GPC6: variants seen among roughly 807,000 people sequenced by gnomAD.
GPC6 encodes glypican-6.
A neutral mutation model predicts 55.2 loss-of-function variants in GPC6; 14 were observed. The observed-to-expected ratio is 0.25, with a 90% CI of 0.17 to 0.40. GPC6 has a LOEUF of 0.40. GPC6 is among the 10% of genes least tolerant of loss of function. The pLI, the probability that GPC6 is intolerant of heterozygous loss-of-function variation, is 1.00. For missense variants in GPC6, 641 were observed against 708.5 expected, an observed-to-expected ratio of 0.90 and a Z score of 1.08; for synonymous variants, 278 against 259.6, an observed-to-expected ratio of 1.07 and a Z score of -0.68.
At chr13:94,153,100 G>A (rs947115826) in intron 4 of GPC6, among the ~76,000 whole-genome samples, 7 of 152,040 alleles carry the variant, frequency 4.6e-5, no homozygotes, top group Non-Finnish European at 7.4e-5. Context: ...TTGAAAGAAA[G>A]GAGAAATCAT....
intron 3 of GPC6, among the ~76,000 whole-genome samples, chr13:93,936,147 C>T (rs1878426501): frequency 6.6e-6 from 1 of 152,060 alleles, no homozygotes; most frequent in African/African-American, 2.4e-5. Flanking sequence ...TGTAGAGAAA[C>T]AATATCATTC....
At chr13:93,784,801 T>C (rs1010136207) in intron 2 of GPC6, among the ~76,000 whole-genome samples, 1 of 152,152 alleles carries the variant, frequency 6.6e-6, no homozygotes, top group Non-Finnish European at 1.5e-5. Context: ...TGGCTGATTG[T>C]GATATGGTGC....
At chr13:94,397,990 C>A (rs572380693) in intron 7 of GPC6, among the ~76,000 whole-genome samples, 1 of 152,250 alleles carries the variant, frequency 6.6e-6, no homozygotes, top group East Asian at 1.9e-4. Context: ...GGCATTTCCC[C>A]CTTTTACTTG....
chr13:94,312,562 G>T (rs921432857), intron 6 of GPC6, among the ~76,000 whole-genome samples: 3 of 152,156 alleles, frequency 2.0e-5, no homozygotes, highest in Admixed American at 2.0e-4. Flanking sequence ...TCTGCACCCA[G>T]CTAAATCCAC....
At chr13:94,042,499 G>A (rs1162485699) in intron 4 of GPC6, among the ~76,000 whole-genome samples, 1 of 151,748 alleles carries the variant, frequency 6.6e-6, no homozygotes, top group Non-Finnish European at 1.5e-5. Context: ...CCATGTGCCT[G>A]TAGATGTCAT....
chr13:93,670,795 C>A (rs1881327663), intron 2 of GPC6, among the ~76,000 whole-genome samples: 1 of 152,158 alleles, frequency 6.6e-6, no homozygotes, highest in Non-Finnish European at 1.5e-5. Context: ...ACTAAATGCA[C>A]TTAAGAAACA....
chr13:94,066,516 C>T (rs1251513215), intron 4 of GPC6, among the ~76,000 whole-genome samples: 2 of 152,092 alleles, frequency 1.3e-5, no homozygotes, highest in African/African-American at 4.8e-5. Flanking sequence ...TCATTTTGTA[C>T]ATCAATGTAC....
chr13:93,896,771 A>T (rs1395823656), intron 3 of GPC6, among the ~76,000 whole-genome samples: 1 of 152,012 alleles, frequency 6.6e-6, no homozygotes, highest in Non-Finnish European at 1.5e-5. Flanking sequence ...ATTTCATGTG[A>T]CTATCACCTG....
chr13:93,698,916 T>G (rs955407205), intron 2 of GPC6, among the ~76,000 whole-genome samples: 8 of 151,876 alleles, frequency 5.3e-5, no homozygotes, highest in Admixed American at 1.3e-4. Flanking sequence ...TATCGGAAAA[T>G]TTGAGGTGGG....
chr13:93,391,080 C>T (rs1331636547), intron 1 of GPC6, among the ~76,000 whole-genome samples: 1 of 151,916 alleles, frequency 6.6e-6, no homozygotes, highest in African/African-American at 2.4e-5. Flanking sequence ...TGCTGTATCA[C>T]CAAGTTTGTT....
intron 1 of GPC6, among the ~76,000 whole-genome samples, chr13:93,330,538 T>A (rs1426331474): frequency 6.6e-6 from 1 of 150,506 alleles, no homozygotes; most frequent in Non-Finnish European, 1.5e-5. Flanking sequence ...AAAAAAAAAA[T>A]GCTTTTGCAG....
intron 3 of GPC6, among the ~76,000 whole-genome samples, chr13:93,950,334 A>G (rs1380490782): frequency 1.3e-5 from 2 of 152,238 alleles, no homozygotes; most frequent in African/African-American, 4.8e-5. Flanking sequence ...TGATATTTAT[A>G]TCTAACTTTT....
intron 1 of GPC6, among the ~76,000 whole-genome samples, chr13:93,401,689 CTTTTTTTTT>C (rs4001853): frequency 5.6e-4 from 36 of 64,508 alleles, no homozygotes; most frequent in Non-Finnish European, 7.6e-4. Context: ...CATGAATGGA[CTTTTTTTTT>C]TTTTTTTTTT....
At chr13:93,365,644 A>G (rs1021976399) in intron 1 of GPC6, among the ~76,000 whole-genome samples, 3 of 152,104 alleles carry the variant, frequency 2.0e-5, no homozygotes, top group Non-Finnish European at 4.4e-5. Context: ...AATGAAGATT[A>G]GACCCCAAAT....
At chr13:93,708,842 C>T (rs974959870) in intron 2 of GPC6, among the ~76,000 whole-genome samples, 1 of 151,668 alleles carries the variant, frequency 6.6e-6, no homozygotes, top group Non-Finnish European at 1.5e-5. Flanking sequence ...GTGACAGAAA[C>T]TCACTCCTCC....
chr13:93,677,913 T>C (rs1881705117), intron 2 of GPC6, among the ~76,000 whole-genome samples: 1 of 152,152 alleles, frequency 6.6e-6, no homozygotes, highest in Non-Finnish European at 1.5e-5. Context: ...TGTGTTAATA[T>C]TTCAATTAAA....
chr13:93,846,792 A>G (rs1409979118), intron 3 of GPC6, among the ~76,000 whole-genome samples: 1 of 152,062 alleles, frequency 6.6e-6, no homozygotes, highest in East Asian at 1.9e-4. Context: ...CCAGCCTCAA[A>G]TTTTGGTGTG....
intron 3 of GPC6, among the ~76,000 whole-genome samples, chr13:93,855,230 T>A (rs915110823): frequency 2.6e-5 from 4 of 151,668 alleles, no homozygotes; most frequent in Non-Finnish European, 5.9e-5. Flanking sequence ...TTGTATTGTC[T>A]CTATAGTTTT....
intron 1 of GPC6, among the ~76,000 whole-genome samples, chr13:93,292,169 T>C (rs1192264716): frequency 6.6e-6 from 1 of 152,204 alleles, no homozygotes; most frequent in Non-Finnish European, 1.5e-5. Context: ...AGCTTTATTG[T>C]ATTTCAAAGT....
Sources: gnomAD v4.1 joint callset for allele counts (sites outside exome capture counted in the v4.1 genomes callset) on GRCh38, gnomAD v4.1.1 for gene constraint, MANE v1.5 for transcripts, NCBI Gene and HGNC (gene_info 2026-07-23, HGNC 2026-07-21) for gene names.